MTHFSD: variants seen among roughly 807,000 people sequenced by gnomAD.
The protein encoded by MTHFSD is methenyltetrahydrofolate synthase domain-containing protein.
A neutral mutation model predicts 31.1 loss-of-function variants in MTHFSD; 37 were observed. That is an observed-to-expected ratio of 1.19 (90% CI 0.91 to 1.56). The LOEUF is 1.56. Among genes scored for constraint, MTHFSD ranks in the 40% most tolerant of loss-of-function variants. The probability of loss-of-function intolerance (pLI) is 0.00; values close to 1 mark genes in which losing one functional copy is unlikely to be tolerated. For synonymous variants in MTHFSD, 221 were observed against 206.9 expected, an observed-to-expected ratio of 1.07 and a Z score of -0.59; for missense variants, 664 against 510.1, an observed-to-expected ratio of 1.30 and a Z score of -2.91.
intron 7 of MTHFSD, chr16:86,535,159 A>G (rs1265266417): frequency 3.6e-6 from 3 of 828,328 alleles, no homozygotes; most frequent in African/African-American, 3.7e-5. Flanking sequence ...TTAACCACAC[A>G]TTATGAGCTA....
intron 3 of MTHFSD, among the ~76,000 whole-genome samples, chr16:86,549,379 T>C (rs966605991): frequency 1.3e-5 from 2 of 152,214 alleles, no homozygotes; most frequent in African/African-American, 2.4e-5. Context: ...AATAGTATAT[T>C]TTAGTTTTTG....
Position 86,546,630 on chromosome 16 carries a change from A to C in MTHFSD, c.371T>G (p.Val124Gly). ...ATSQGVRNYS[V>G]PIGLDSRVLV... ...GACTCTGGAGTCCAAGCCTATGGGG[A>C]CACTGTAGTTCCTCACACCCTGCAC... Residue 124 changes from valine (V) to glycine (G), a missense_variant, in exon 5 of 8, where the codon GTC becomes GGC. Val to Gly is a moderately radical substitution (Grantham distance 109). Transcript: ENST00000360900. 6.2e-7 allele frequency: 1 copy of C among 1,613,860 alleles called. No individual in the cohort carries two copies. Among genetic ancestry groups the C allele is most frequent in the East Asian group, 2.2e-5 (1 of 44,886 alleles).
At chr16:86,546,990 A>C (rs1972411359) in intron 4 of MTHFSD, among the ~76,000 whole-genome samples, 1 of 152,256 alleles carries the variant, frequency 6.6e-6, no homozygotes, top group African/African-American at 2.4e-5. Flanking sequence ...AACTGGGTTC[A>C]GAGCCTCTGA....
intron 7 of MTHFSD, chr16:86,535,591 A>C (rs2143399427): frequency 1.3e-6 from 1 of 753,530 alleles, no homozygotes; most frequent in East Asian, 1.5e-4. Context: ...AACTAATTCT[A>C]TTCTAAAAAA....
rs115577033 is a variant in MTHFSD at position 86,530,421 on chromosome 16, G to C, written c.*1590C>G. 1 of 152,246 alleles carries C rather than the reference G, an allele frequency of 6.6e-6. No individual in the cohort carries two copies. Among genetic ancestry groups the C allele is most frequent in the African/African-American group, 2.4e-5 (1 of 41,430 alleles). 9.4% of individuals were successfully genotyped at this position (152,246 alleles called of 1,614,324 possible). A position where few individuals can be genotyped will look rare whatever the true frequency, so the allele number is the denominator to read the frequency against. On this transcript the variant is annotated 3_prime_UTR_variant, in exon 8 of 8. Transcript: ENST00000360900. ...GCGTCAGGCATGGCTGGACACAGGA[G>C]TGCCAGTGGTGGGGTCAGAATCCAG...
At position 86,550,856 on chromosome 16, in the gene MTHFSD, C is replaced by T. The variant is rs559172270; in HGVS notation, c.237+1177G>A. Among the ~76,000 whole-genome samples, 24 of 152,330 alleles carry T rather than the reference C, an allele frequency of 1.6e-4. No homozygotes were observed. In the South Asian group the frequency reaches 4.6e-3, roughly 29 times the overall value. ...TCAGCAGACAAAATGATCTCCCACA[C>T]GAGCCTGGACCCCTCCTCTCAGCTC... On this transcript the variant is annotated intron_variant, in intron 3 of 7. Transcript: ENST00000360900.
chr16:86,542,325 A>T lies in MTHFSD; in HGVS notation c.443-112T>A. On this transcript the variant is annotated intron_variant, in intron 5 of 7. Transcript: ENST00000360900. The surrounding 1 kb of genome is among the most constrained non-coding windows in gnomAD (Gnocchi z 4.6). ...AACTTGAACCCAATATCCCGAGCTAATCTATAGAAATTTTCACAGAAATGC... is the reference window on the plus strand; with the variant it reads ...AACTTGAACCCAATATCCCGAGCTATTCTATAGAAATTTTCACAGAAATGC... 1 of 874,094 alleles carries T rather than the reference A, an allele frequency of 1.1e-6. No individual in the cohort carries two copies. 54.1% of individuals were successfully genotyped at this position (874,094 alleles called of 1,614,324 possible).
intron 2 of MTHFSD, chr16:86,553,278 G>C (rs1201634609): frequency 6.6e-6 from 1 of 152,332 alleles, no homozygotes; most frequent in Non-Finnish European, 1.5e-5. Context: ...GTGACAGCGT[G>C]CTGGCAGCCC....
intron 1 of MTHFSD, 158 bp downstream of exon 1, chr16:86,555,011 C>G: frequency 7.1e-7 from 1 of 1,403,890 alleles, no homozygotes; most frequent in Non-Finnish European, 9.4e-7. Flanking sequence ...GCCGCTGGTT[C>G]GACCCGAACC....
At chr16:86,541,152 T>G (rs1597343821) in intron 7 of MTHFSD, 1 of 1,288,292 alleles carries the variant, frequency 7.8e-7, no homozygotes, top group Non-Finnish European at 1.0e-6. Context: ...ATTTGCAGGG[T>G]CAAACTCCTA....
rs1039735924 is a variant in MTHFSD, at chr16:86,542,988, G to A, written c.443-775C>T. On this transcript the variant is annotated intron_variant, in intron 5 of 7. Transcript: ENST00000360900. The surrounding 1 kb of genome is among the most constrained non-coding windows in gnomAD (Gnocchi z 4.6). ...CAGCAGCATCACCCGCAGAGCACCC[G>A]CATCACTGCTGCCGTGTCTAAGACT... Among the ~76,000 whole-genome samples the A allele has an allele frequency of 6.6e-6, 1 of 152,180 alleles. No individual in the cohort carries two copies. Among genetic ancestry groups the A allele is most frequent in the African/African-American group, 2.4e-5 (1 of 41,438 alleles).
Position 86,542,147 on chromosome 16 carries a change from G to A in MTHFSD, c.509C>T (p.Ala170Val). ...LEYAMMVSMG[A>V]VSKETPVVTI... ...GACCACCGGCGTCTCCTTGCTGACG[G>A]CGCCCATGGATACCATCATGGCATA... The change falls in exon 6 of 8, where the codon GCC becomes GTC. Residue 170 changes from alanine to valine, a missense_variant. Physicochemically the swap from Ala to Val is moderately conservative, Grantham distance 64. Transcript: ENST00000360900. The surrounding 1 kb of genome is among the most constrained non-coding windows in gnomAD (Gnocchi z 4.6). 1 of 1,613,824 alleles carries A rather than the reference G, an allele frequency of 6.2e-7. No homozygotes were observed. Among genetic ancestry groups the A allele is most frequent in the Non-Finnish European group, 8.5e-7 (1 of 1,180,034 alleles).
intron 3 of MTHFSD, 141 bp from the exon 4 acceptor site, chr16:86,548,718 C>T: frequency 1.6e-6 from 1 of 644,396 alleles, no homozygotes. Flanking sequence ...AAGGAAATTA[C>T]TTATTTGAAA....
chr16:86,548,612 T>A, intron 3 of MTHFSD, 35 bp from the exon 4 acceptor site: 1 of 1,518,382 alleles, frequency 6.6e-7, no homozygotes, highest in East Asian at 2.3e-5. Flanking sequence ...AATTACAAAA[T>A]CAAATTATTC....
At chr16:86,535,203 G>C in intron 7 of MTHFSD, 1 of 865,372 alleles carries the variant, frequency 1.2e-6, no homozygotes, top group Non-Finnish European at 1.3e-6. Flanking sequence ...ACTGGCATCC[G>C]CAGGGGCCGT....
intron 3 of MTHFSD, among the ~76,000 whole-genome samples, chr16:86,549,560 G>C (rs1301124618): frequency 6.6e-6 from 1 of 152,182 alleles, no homozygotes; most frequent in African/African-American, 2.4e-5. Flanking sequence ...GGCAGTGTTG[G>C]AGTCCTGTGC....
chr16:86,541,404 G>T (rs1971492748), intron 7 of MTHFSD: 1 of 572,404 alleles, frequency 1.7e-6, no homozygotes, highest in Non-Finnish European at 2.9e-6. Context: ...AAAAACAGGG[G>T]GCAAGTAAAG....
intron 7 of MTHFSD, among the ~76,000 whole-genome samples, chr16:86,536,511 C>T (rs766569455): frequency 1.3e-5 from 2 of 152,212 alleles, no homozygotes; most frequent in East Asian, 1.9e-4. Flanking sequence ...AATCACGCTT[C>T]GACTGGGAGT....
intron 3 of MTHFSD, 98 bp downstream of exon 3, chr16:86,551,935 T>C: frequency 1.3e-6 from 2 of 1,530,396 alleles, no homozygotes; most frequent in South Asian, 1.3e-5. Flanking sequence ...AGCACCGACT[T>C]TCTAAATGCA....
Sources: allele counts gnomAD v4.1 joint callset (sites outside exome capture counted in the v4.1 genomes callset), GRCh38; gene constraint gnomAD v4.1.1; non-coding constraint Gnocchi (gnomAD v3.1); transcripts MANE v1.5; gene names NCBI Gene and HGNC (gene_info 2026-07-23, HGNC 2026-07-21).